Variants in NAA25 observed in about 807,000 individuals in gnomAD.
The protein encoded by NAA25 is N-alpha-acetyltransferase 25, NatB auxiliary subunit, also known as N-terminal acetyltransferase B complex subunit NAA25.
NAA25 carries 30 observed loss-of-function variants against 132.5 expected under a neutral mutation model. The ratio of observed to expected loss-of-function variants is 0.23; its 90% CI spans 0.17 to 0.31. The LOEUF (loss-of-function observed/expected upper bound fraction) is 0.31, where lower values mean the gene tolerates loss of function less well. Among genes scored for constraint, NAA25 ranks in the 10% least tolerant of loss-of-function variants. The pLI is 1.00. For missense variants in NAA25, 771 were observed against 1,150.4 expected (o/e 0.67, Z 4.77); for synonymous variants, 359 against 401.9 (o/e 0.89, Z 1.28).
At chr12:112,096,607 C>A (rs2079216239) in intron 1 of NAA25, among the ~76,000 whole-genome samples, 1 of 152,182 alleles carries the variant, frequency 6.6e-6, no homozygotes, top group African/African-American at 2.4e-5. Context: ...TCTGGAGAGG[C>A]ATTGGAGAAT....
intron 7 of NAA25, among the ~76,000 whole-genome samples, chr12:112,077,960 A>G (rs1443502733): frequency 6.6e-6 from 1 of 152,054 alleles, no homozygotes; most frequent in Non-Finnish European, 1.5e-5. Flanking sequence ...ACGGCTAGAG[A>G]TCTGGAGTAT....
chr12:112,055,760 C>T (rs2078534927), intron 13 of NAA25, among the ~76,000 whole-genome samples: 1 of 151,928 alleles, frequency 6.6e-6, no homozygotes, highest in Non-Finnish European at 1.5e-5. Flanking sequence ...GATAAGAGTG[C>T]TTTTGAGGTC....
At chr12:112,108,615 G>A (rs879551225) in intron 1 of NAA25, 101 bp downstream of exon 1, 3 of 1,189,438 alleles carry the variant, frequency 2.5e-6, no homozygotes, top group African/African-American at 3.2e-5. Flanking sequence ...GCGCCTGCCC[G>A]GCCCGCGCGC....
At chr12:112,065,646 G>C (rs551921484) in intron 11 of NAA25, 3 of 152,218 alleles carry the variant, frequency 2.0e-5, no homozygotes, top group Non-Finnish European at 4.4e-5. Flanking sequence ...CAGGGCGACA[G>C]AGCAAGACTC....
chr12:112,082,391 A>C (rs1475012867), intron 4 of NAA25, among the ~76,000 whole-genome samples: 3 of 152,068 alleles, frequency 2.0e-5, no homozygotes, highest in Non-Finnish European at 4.4e-5. Flanking sequence ...GCAACATTGT[A>C]AAACCTTACA....
chr12:112,065,327 T>C (rs1017052523), intron 11 of NAA25, among the ~76,000 whole-genome samples: 1 of 152,054 alleles, frequency 6.6e-6, no homozygotes, highest in Non-Finnish European at 1.5e-5. Context: ...TGAAACCCCA[T>C]CTCTACTAAA....
At chr12:112,084,844 C>T (rs553835219) in intron 4 of NAA25, among the ~76,000 whole-genome samples, 12 of 151,794 alleles carry the variant, frequency 7.9e-5, no homozygotes, top group Non-Finnish European at 1.6e-4. Context: ...CGCCTGTAAT[C>T]CCAATATTTT....
intron 4 of NAA25, among the ~76,000 whole-genome samples, chr12:112,084,580 A>C (rs996183748): frequency 3.3e-5 from 5 of 149,800 alleles, no homozygotes; most frequent in Non-Finnish European, 7.4e-5. Context: ...CATGAGGTCA[A>C]GAGATCGAGA....
chr12:112,067,611 G>A (rs1423148396), intron 11 of NAA25, among the ~76,000 whole-genome samples: 1 of 152,130 alleles, frequency 6.6e-6, no homozygotes, highest in East Asian at 1.9e-4. Flanking sequence ...TCAGGAGGCT[G>A]AGGCACGAGG....
intron 11 of NAA25, among the ~76,000 whole-genome samples, chr12:112,066,165 G>A (rs957901648): frequency 2.6e-5 from 4 of 152,110 alleles, no homozygotes; most frequent in Non-Finnish European, 5.9e-5. Context: ...GTACAGAAAA[G>A]GTTACTGGTA....
In NAA25 at chr12:112,076,328, A is replaced by T. The variant is rs74390196; in HGVS notation, c.665-539T>A. Among the ~76,000 whole-genome samples the T allele has an allele frequency of 0.012, 1,830 of 152,330 alleles. 130 individuals carry two copies. The South Asian group carries it at 0.18, about 15-fold the overall frequency. On this transcript the variant is annotated intron_variant, in intron 7 of 23. Transcript: ENST00000261745. ...TTTTTATAATCATTTTCTTTGTAAA[A>T]GGATAGGTTTCACAATGTATTGGGT... is the stretch of plus-strand genomic sequence containing the variant.
intron 4 of NAA25, among the ~76,000 whole-genome samples, chr12:112,084,149 A>T (rs2079010909): frequency 6.6e-6 from 1 of 152,188 alleles, no homozygotes; most frequent in South Asian, 2.1e-4. Flanking sequence ...GGAAAAGAAA[A>T]GCCTTATCAC....
chr12:112,062,726 TAA>T (rs756621929), intron 11 of NAA25, among the ~76,000 whole-genome samples: 2 of 138,164 alleles, frequency 1.4e-5, no homozygotes, highest in Admixed American at 7.2e-5. Context: ...AACTCCGTAT[TAA>T]AAAAAAAAAA....
At chr12:112,078,161 A>T in intron 7 of NAA25, 27 bp downstream of exon 7, 13 of 1,441,672 alleles carry the variant, frequency 9.0e-6, no homozygotes, top group Non-Finnish European at 1.2e-5. Flanking sequence ...AAAAAAAAAA[A>T]GCTTTAAGAA....
At chr12:112,045,579 G>C (rs1449842472) in intron 17 of NAA25, among the ~76,000 whole-genome samples, 1 of 151,410 alleles carries the variant, frequency 6.6e-6, no homozygotes, top group East Asian at 1.9e-4. Context: ...GGGATCAACA[G>C]AGGTCATGAG....
chr12:112,087,895 A>T, intron 3 of NAA25, 94 bp from the exon 4 acceptor site: 1 of 767,420 alleles, frequency 1.3e-6, no homozygotes, highest in Non-Finnish European at 2.2e-6. Flanking sequence ...GATGTCTCCT[A>T]TCATTATAGA....
intron 4 of NAA25, among the ~76,000 whole-genome samples, chr12:112,086,037 AAAAAAAAAAAAAAAAT>A (rs2079044146): frequency 8.9e-5 from 7 of 79,084 alleles, no homozygotes; most frequent in African/African-American, 4.0e-4. Flanking sequence ...AAAAAAAAAA[AAAAAAAAAAAAAAAAT>A]ATATATATAT....
intron 11 of NAA25, among the ~76,000 whole-genome samples, chr12:112,063,540 C>T (rs980785761): frequency 2.0e-5 from 3 of 152,076 alleles, no homozygotes; most frequent in South Asian, 2.1e-4. Flanking sequence ...GAATGCTATC[C>T]GACAAATATG....
chr12:112,056,907 C>T (rs978560053), intron 13 of NAA25, among the ~76,000 whole-genome samples: 11 of 152,098 alleles, frequency 7.2e-5, no homozygotes, highest in African/African-American at 1.7e-4. Context: ...ATGTTTAAAT[C>T]GGCTGGGTGT....
Sources: gnomAD v4.1 joint callset for allele counts (sites outside exome capture counted in the v4.1 genomes callset) on GRCh38, gnomAD v4.1.1 for gene constraint, MANE v1.5 for transcripts, NCBI Gene and HGNC (gene_info 2026-07-23, HGNC 2026-07-21) for gene names.